ERC1: variants seen among roughly 807,000 people sequenced by gnomAD.
The protein encoded by ERC1 is RAB6 interacting protein 2.
ERC1 carries 56 observed loss-of-function variants against 132.0 expected under a neutral mutation model. The ratio of observed to expected loss-of-function variants is 0.42; its 90% confidence interval spans 0.34 to 0.53. The LOEUF is 0.53. ERC1 is among the 20% of genes least tolerant of loss of function. The pLI, the probability that ERC1 is intolerant of heterozygous loss-of-function variation, is 0.03. For missense variants in ERC1, 1,202 were observed against 1,349.9 expected, an observed-to-expected ratio of 0.89 and a Z score of 1.72; for synonymous variants, 478 against 476.1, an observed-to-expected ratio of 1.00 and a Z score of -0.05.
intron 12 of ERC1, among the ~76,000 whole-genome samples, chr12:1,215,138 C>G (rs1410545368): frequency 2.0e-5 from 3 of 152,090 alleles, no homozygotes; most frequent in East Asian, 3.8e-4. Flanking sequence ...ATGAAATACC[C>G]TATGTAGTTT....
At chr12:1,484,832 C>T (rs2094176124) in intron 18 of ERC1, among the ~76,000 whole-genome samples, 1 of 152,046 alleles carries the variant, frequency 6.6e-6, no homozygotes, top group Non-Finnish European at 1.5e-5. Flanking sequence ...CGCCTGCCAC[C>T]TCAGCCTCCC....
At chr12:993,279 T>C (rs576646238) in intron 1 of ERC1, among the ~76,000 whole-genome samples, 23 of 152,304 alleles carry the variant, frequency 1.5e-4, no homozygotes, top group Non-Finnish European at 2.4e-4. Context: ...ACTTAATTAA[T>C]TGGGACAAAT....
intron 12 of ERC1, among the ~76,000 whole-genome samples, chr12:1,232,716 T>C (rs561757697): frequency 7.2e-5 from 11 of 152,250 alleles, no homozygotes; most frequent in Middle Eastern, 3.4e-3. Flanking sequence ...CTAATTTTTG[T>C]TGAGTTTCCT....
intron 1 of ERC1, 77 bp downstream of exon 1, chr12:991,399 G>A (rs954403698): frequency 5.7e-4 from 88 of 154,522 alleles, no homozygotes; most frequent in Non-Finnish European, 9.5e-4. Flanking sequence ...CTAGTGCTGA[G>A]GCTTTCGCCT....
chr12:1,183,134 T>C, intron 10 of ERC1, 147 bp from the exon 11 acceptor site: 1 of 464,192 alleles, frequency 2.2e-6, no homozygotes, highest in East Asian at 3.2e-5. Context: ...AATATTGTTT[T>C]ATATTTCATG....
At chr12:996,879 A>G (rs1481216256) in intron 1 of ERC1, among the ~76,000 whole-genome samples, 1 of 152,196 alleles carries the variant, frequency 6.6e-6, no homozygotes, top group Non-Finnish European at 1.5e-5. Context: ...TTGCATACAT[A>G]TAAGAAACAT....
intron 16 of ERC1, among the ~76,000 whole-genome samples, chr12:1,376,051 G>A (rs957051954): frequency 5.9e-5 from 9 of 151,936 alleles, no homozygotes; most frequent in South Asian, 2.1e-4. Context: ...CTACTTCTTG[G>A]TTGTCTCTAG....
chr12:1,408,280 C>T, intron 17 of ERC1, 33 bp downstream of exon 17: 1 of 1,490,106 alleles, frequency 6.7e-7, no homozygotes, highest in Non-Finnish European at 9.3e-7. Context: ...TATTAAAAAA[C>T]CCACACACTT....
chr12:1,207,937 A>G (rs1185439869), intron 12 of ERC1, among the ~76,000 whole-genome samples: 1 of 152,202 alleles, frequency 6.6e-6, no homozygotes, highest in Non-Finnish European at 1.5e-5. Context: ...AGTATGTCTT[A>G]TAATAACTAT....
intron 12 of ERC1, among the ~76,000 whole-genome samples, chr12:1,209,087 G>A (rs893143589): frequency 1.3e-5 from 2 of 148,836 alleles, no homozygotes; most frequent in African/African-American, 5.0e-5. Flanking sequence ...CCCTGTCTCA[G>A]CCTTCTGAGT....
intron 17 of ERC1, among the ~76,000 whole-genome samples, chr12:1,435,982 C>G (rs1299544075): frequency 6.6e-6 from 1 of 152,218 alleles, no homozygotes; most frequent in Non-Finnish European, 1.5e-5. Context: ...ACCACAGGCT[C>G]TAGACACATG....
intron 3 of ERC1, among the ~76,000 whole-genome samples, chr12:1,101,767 A>G (rs543111256): frequency 1.8e-4 from 27 of 152,306 alleles, no homozygotes; most frequent in African/African-American, 6.3e-4. Context: ...TTTGTGGGGT[A>G]TACGTGTAAA....
chr12:1,111,007 A>G (rs1016367816), intron 5 of ERC1, among the ~76,000 whole-genome samples: 5 of 152,042 alleles, frequency 3.3e-5, no homozygotes, highest in Non-Finnish European at 5.9e-5. Context: ...CCCAGCCCTA[A>G]GAGGCTTTTT....
chr12:1,400,502 G>C (rs1345785375), intron 16 of ERC1, among the ~76,000 whole-genome samples: 1 of 151,750 alleles, frequency 6.6e-6, no homozygotes, highest in East Asian at 1.9e-4. Context: ...GCCTAACCCA[G>C]GCCTCAAAGA....
intron 7 of ERC1, among the ~76,000 whole-genome samples, chr12:1,139,790 G>C (rs1208088012): frequency 6.6e-6 from 1 of 151,478 alleles, no homozygotes; most frequent in Non-Finnish European, 1.5e-5. Context: ...AACCAGAATA[G>C]AGACGAATGA....
intron 15 of ERC1, among the ~76,000 whole-genome samples, chr12:1,349,227 G>A (rs2084768913): frequency 6.6e-6 from 1 of 152,146 alleles, no homozygotes; most frequent in African/African-American, 2.4e-5. Context: ...TTTCTCCAGG[G>A]TTTCTACAAG....
At chr12:1,354,971 C>G (rs1847598393) in intron 15 of ERC1, among the ~76,000 whole-genome samples, 1 of 152,182 alleles carries the variant, frequency 6.6e-6, no homozygotes, top group Middle Eastern at 3.2e-3. Context: ...ACTGTTTTCT[C>G]TTGTACTAGT....
At chr12:1,331,897 A>G (rs1034838722) in intron 15 of ERC1, among the ~76,000 whole-genome samples, 9 of 152,150 alleles carry the variant, frequency 5.9e-5, no homozygotes, top group Admixed American at 3.9e-4. Flanking sequence ...TATGTATTTT[A>G]TATCTCAGAG....
intron 18 of ERC1, among the ~76,000 whole-genome samples, chr12:1,473,312 C>T (rs926736253): frequency 2.0e-5 from 3 of 152,178 alleles, no homozygotes; most frequent in African/African-American, 7.2e-5. Context: ...CAGGTGTGAG[C>T]CACTGCGCCC....
Sources: allele counts gnomAD v4.1 joint callset (sites outside exome capture counted in the v4.1 genomes callset), GRCh38; gene constraint gnomAD v4.1.1; transcripts MANE v1.5; gene names NCBI Gene and HGNC (gene_info 2026-07-23, HGNC 2026-07-21).